Variants in JMY observed in about 807,000 individuals in gnomAD.
The protein encoded by JMY is junction-mediating and -regulatory protein.
Under a neutral mutation model 103.3 loss-of-function variants are expected in JMY, and 46 were observed. That is an observed-to-expected ratio of 0.45 (90% CI 0.35 to 0.57). The LOEUF (loss-of-function observed/expected upper bound fraction) is 0.57. Ranked by LOEUF, JMY falls within the 20% of genes least tolerant of loss-of-function variation. The pLI, the probability that JMY is intolerant of heterozygous loss-of-function variation, is 0.00. For missense variants in JMY, 1,238 were observed against 1,255.2 expected, an observed-to-expected ratio of 0.99 and a Z score of 0.21; for synonymous variants, 526 against 489.3, an observed-to-expected ratio of 1.07 and a Z score of -0.99.
At chr5:79,285,299 C>T (rs1460644684) in intron 2 of JMY, among the ~76,000 whole-genome samples, 1 of 151,902 alleles carries the variant, frequency 6.6e-6, no homozygotes, top group Non-Finnish European at 1.5e-5. Flanking sequence ...CCGCCCACTG[C>T]CAGTCACCCA....
At chr5:79,269,994 G>C (rs1001122955) in intron 1 of JMY, among the ~76,000 whole-genome samples, 1 of 152,148 alleles carries the variant, frequency 6.6e-6, no homozygotes, top group East Asian at 1.9e-4. Flanking sequence ...GCCTCCCAGA[G>C]GGGTGAGATT....
chr5:79,238,082 T>A (rs541712967), intron 1 of JMY, among the ~76,000 whole-genome samples: 2 of 152,294 alleles, frequency 1.3e-5, no homozygotes, highest in South Asian at 4.1e-4. Context: ...TTATTTAAAA[T>A]AGTTTGTCTT....
intron 6 of JMY, among the ~76,000 whole-genome samples, chr5:79,301,127 G>T (rs1312410323): frequency 7.2e-5 from 11 of 152,114 alleles, no homozygotes; most frequent in Admixed American, 7.2e-4. Context: ...TGTGATTCCT[G>T]GCTCCCTTTT....
At chr5:79,282,716 T>TTAAAGCAC (rs1746154989) in intron 2 of JMY, among the ~76,000 whole-genome samples, 2 of 152,192 alleles carry the variant, frequency 1.3e-5, no homozygotes, top group African/African-American at 4.8e-5. Context: ...TTTAACCAGG[T>TTAAAGCAC]AATGTGGTAT....
At chr5:79,271,472 T>G (rs1353618331) in intron 1 of JMY, among the ~76,000 whole-genome samples, 1 of 152,202 alleles carries the variant, frequency 6.6e-6, no homozygotes, top group African/African-American at 2.4e-5. Context: ...CTTTCTTAAA[T>G]ATCTGGTAGA....
intron 5 of JMY, 114 bp from the exon 6 acceptor site, chr5:79,300,562 A>C: frequency 2.4e-6 from 2 of 827,330 alleles, no homozygotes; most frequent in Middle Eastern, 3.7e-4. Context: ...AAGAAGCTTA[A>C]GAGATAATGG....
intron 1 of JMY, among the ~76,000 whole-genome samples, chr5:79,255,306 A>G (rs1244974058): frequency 3.9e-5 from 6 of 152,116 alleles, no homozygotes; most frequent in Admixed American, 3.9e-4. Flanking sequence ...CATGTTGGCC[A>G]GGCTGGTCTG....
intron 6 of JMY, among the ~76,000 whole-genome samples, chr5:79,301,354 G>C (rs1223745432): frequency 6.6e-6 from 1 of 152,172 alleles, no homozygotes; most frequent in African/African-American, 2.4e-5. Context: ...GCTGTTTCTA[G>C]TCACTGTAAG....
At chr5:79,281,206 G>A (rs192204505) in intron 2 of JMY, among the ~76,000 whole-genome samples, 9 of 151,428 alleles carry the variant, frequency 5.9e-5, no homozygotes, top group South Asian at 4.2e-4. Flanking sequence ...CACCACACCC[G>A]GCTAATTTTT....
intron 2 of JMY, among the ~76,000 whole-genome samples, chr5:79,288,841 C>A (rs1746343517): frequency 6.6e-6 from 1 of 151,960 alleles, no homozygotes. Context: ...AAAAGGAAAG[C>A]AGTTTTTGCG....
intron 1 of JMY, among the ~76,000 whole-genome samples, chr5:79,244,805 A>C (rs921034428): frequency 6.6e-6 from 1 of 151,878 alleles, no homozygotes; most frequent in Non-Finnish European, 1.5e-5. Context: ...AGGCACTGAA[A>C]ACTAAATAAT....
At chr5:79,318,770 AG>A (rs1747340715) in intron 10 of JMY, among the ~76,000 whole-genome samples, 1 of 22,078 alleles carries the variant, frequency 4.5e-5, no homozygotes, top group Non-Finnish European at 8.9e-5. Context: ...ATAGAGAGAG[AG>A]AGAGAGAGAG....
chr5:79,237,600 A>G lies in JMY; in HGVS notation c.950A>G (p.Glu317Gly). 6.2e-7 allele frequency: 1 copy of G among 1,613,560 alleles called. No individual in the cohort carries two copies. The highest frequency in any genetic ancestry group is 2.2e-5 in the East Asian group (1 of 44,876). The change falls in exon 1 of 11, where the codon GAG (glutamate) becomes GGG (glycine). Residue 317 changes from glutamate to glycine, a missense_variant. By Grantham distance (98) the Glu-to-Gly change is moderately conservative. Coordinates refer to ENST00000396137, the MANE Select transcript of JMY (RefSeq NM_152405.5). ...CTCTTCACCGAGACCGATGATCCCG[A>G]GGAGTATTACGAAAGCCTCAGCGAG... ...QVLFTETDDPEEYYESLSELR... is the reference protein window; with the variant it reads ...QVLFTETDDPGEYYESLSELR...
At chr5:79,315,062 C>T (rs1267593818) in intron 9 of JMY, among the ~76,000 whole-genome samples, 1 of 152,080 alleles carries the variant, frequency 6.6e-6, no homozygotes, top group Non-Finnish European at 1.5e-5. Context: ...GTTTTAAAAA[C>T]AGATCTTCTA....
At chr5:79,283,163 T>C (rs1746171863) in intron 2 of JMY, among the ~76,000 whole-genome samples, 1 of 151,978 alleles carries the variant, frequency 6.6e-6, no homozygotes. Flanking sequence ...TGGCTAATTT[T>C]GTATTTTTTA....
chr5:79,238,436 A>G (rs1042069077), intron 1 of JMY, among the ~76,000 whole-genome samples: 1 of 152,118 alleles, frequency 6.6e-6, no homozygotes, highest in African/African-American at 2.4e-5. Flanking sequence ...CTGAATGGAT[A>G]TACATATGGG....
In JMY at chr5:79,326,972, G is replaced by A. The variant is rs1747668527; in HGVS notation, c.*5370G>A. 1 of 152,188 alleles carries A rather than the reference G, an allele frequency of 6.6e-6. No homozygotes were observed. The highest frequency in any genetic ancestry group is 1.5e-5 in the Non-Finnish European group (1 of 68,028). The allele number at this position is 152,188 out of a possible 1,614,324, so 9.4% of individuals were successfully genotyped here. Reference sequence around the variant, plus strand: ...AAGCAAGCATTTATAGCAATACCATGAAATCTCCAGTAATCGTTTTGACTG... The same window carrying A: ...AAGCAAGCATTTATAGCAATACCATAAAATCTCCAGTAATCGTTTTGACTG... On this transcript the variant is annotated 3_prime_UTR_variant, in exon 11 of 11. Coordinates refer to ENST00000396137, the MANE Select transcript of JMY (RefSeq NM_152405.5).
chr5:79,284,781 C>G (rs1211532886), intron 2 of JMY: 1 of 1,576,968 alleles, frequency 6.3e-7, no homozygotes, highest in East Asian at 2.2e-5. Flanking sequence ...TGATGAGCAT[C>G]TTTCCAATAT....
intron 3 of JMY, among the ~76,000 whole-genome samples, 188 bp from the exon 4 acceptor site, chr5:79,290,942 G>A (rs746717803): frequency 5.3e-5 from 8 of 152,078 alleles, no homozygotes; most frequent in Non-Finnish European, 1.2e-4. Flanking sequence ...CTGAAATCGC[G>A]CCACTGCACT....
Sources: allele counts gnomAD v4.1 joint callset (sites outside exome capture counted in the v4.1 genomes callset), GRCh38; gene constraint gnomAD v4.1.1; transcripts MANE v1.5; gene names NCBI Gene and HGNC (gene_info 2026-07-23, HGNC 2026-07-21).